Variants in HIVEP3 observed in about 807,000 individuals in gnomAD.
HIVEP3 encodes the protein HIVEP zinc finger 3, also known as transcription factor HIVEP3.
Under a neutral mutation model 152.8 loss-of-function variants are expected in HIVEP3, and 49 were observed. The ratio of observed to expected loss-of-function variants is 0.32; its 90% CI spans 0.26 to 0.41. HIVEP3 has a LOEUF of 0.41. Ranked by LOEUF, HIVEP3 falls within the 10% of genes least tolerant of loss-of-function variation. The pLI, the probability that HIVEP3 is intolerant of heterozygous loss-of-function variation, is 1.00. For missense variants in HIVEP3, 2,790 were observed against 3,103.3 expected (o/e 0.90, Z 2.40); for synonymous variants, 1,269 against 1,289.0 (o/e 0.98, Z 0.33).
At chr1:41,590,969 C>T (rs957919159) in intron 3 of HIVEP3, among the ~76,000 whole-genome samples, 2 of 152,188 alleles carry the variant, frequency 1.3e-5, no homozygotes, top group Non-Finnish European at 2.9e-5. Flanking sequence ...GTCTCCCCAT[C>T]TGTAAAAAGG....
chr1:41,983,367 C>T (rs186542075), intron 1 of HIVEP3, among the ~76,000 whole-genome samples: 21 of 152,218 alleles, frequency 1.4e-4, no homozygotes, highest in East Asian at 1.9e-4. Context: ...ATTTAACAAG[C>T]GCAAACATAA....
intron 1 of HIVEP3, among the ~76,000 whole-genome samples, chr1:41,787,535 C>T (rs111386703): frequency 3.9e-4 from 48 of 122,838 alleles, no homozygotes; most frequent in African/African-American, 1.3e-3. Context: ...TTCTTTCTTT[C>T]TTTTTTTTTT....
intron 1 of HIVEP3, among the ~76,000 whole-genome samples, chr1:41,717,457 A>C (rs1195961930): frequency 1.3e-5 from 2 of 152,230 alleles, no homozygotes; most frequent in Non-Finnish European, 2.9e-5. Flanking sequence ...GGAAAGAGAA[A>C]GTGACTAGAG....
intron 2 of HIVEP3, among the ~76,000 whole-genome samples, chr1:41,691,630 C>T (rs1004655588): frequency 5.3e-5 from 8 of 152,190 alleles, no homozygotes; most frequent in East Asian, 1.9e-4. Flanking sequence ...CATCAGATCA[C>T]GAATCTGCCT....
chr1:41,650,096 C>T (rs1269772590), intron 2 of HIVEP3, among the ~76,000 whole-genome samples: 1 of 151,988 alleles, frequency 6.6e-6, no homozygotes, highest in Non-Finnish European at 1.5e-5. Flanking sequence ...CAGAGGCAGC[C>T]CCACACTGCA....
intron 2 of HIVEP3, among the ~76,000 whole-genome samples, chr1:41,638,273 A>AGAAT: frequency 6.6e-6 from 1 of 151,458 alleles, no homozygotes; most frequent in South Asian, 2.1e-4. Flanking sequence ...AAAGAAAGAA[A>AGAAT]GAAAGAAAGA....
chr1:41,976,619 C>G (rs1299783568), intron 1 of HIVEP3, among the ~76,000 whole-genome samples: 5 of 152,166 alleles, frequency 3.3e-5, no homozygotes, highest in Admixed American at 3.3e-4. Flanking sequence ...TACTGCAATT[C>G]AGACTAAATC....
At chr1:41,652,727 C>A (rs1053289007) in intron 2 of HIVEP3, among the ~76,000 whole-genome samples, 1 of 152,296 alleles carries the variant, frequency 6.6e-6, no homozygotes, top group South Asian at 2.1e-4. Flanking sequence ...GCCTGCCCTG[C>A]GGGGTAACAA....
chr1:41,526,322 C>T (rs1337864408), intron 5 of HIVEP3, among the ~76,000 whole-genome samples: 1 of 147,332 alleles, frequency 6.8e-6, no homozygotes, highest in East Asian at 2.1e-4. Context: ...CACGCTCACC[C>T]TCATACTAAA....
At chr1:41,846,073 T>A (rs1038615066) in intron 1 of HIVEP3, among the ~76,000 whole-genome samples, 1 of 152,010 alleles carries the variant, frequency 6.6e-6, no homozygotes, top group Non-Finnish European at 1.5e-5. Context: ...CAAAAAGAAA[T>A]AATAAATAAA....
chr1:41,597,846 C>G (rs1644688768), intron 3 of HIVEP3, among the ~76,000 whole-genome samples: 1 of 152,212 alleles, frequency 6.6e-6, no homozygotes, highest in Non-Finnish European at 1.5e-5. Context: ...CAAAAATGAA[C>G]TGACATTAGC....
intron 1 of HIVEP3, among the ~76,000 whole-genome samples, chr1:41,814,044 G>C (rs1046204471): frequency 9.2e-5 from 14 of 152,304 alleles, no homozygotes; most frequent in Admixed American, 5.9e-4. Flanking sequence ...TCCAGTGGTG[G>C]GGGCTTCATC....
intron 1 of HIVEP3, among the ~76,000 whole-genome samples, chr1:41,754,057 G>A (rs1209128675): frequency 1.3e-5 from 2 of 152,218 alleles, no homozygotes; most frequent in Admixed American, 6.5e-5. Flanking sequence ...TGGGCAGAGA[G>A]AACTGTCTTC....
chr1:41,649,686 T>C (rs754798892), intron 2 of HIVEP3, among the ~76,000 whole-genome samples: 3 of 151,976 alleles, frequency 2.0e-5, no homozygotes, highest in Non-Finnish European at 4.4e-5. Flanking sequence ...GGCTGGAGGG[T>C]CATGCCCAGT....
At chr1:41,980,462 T>C (rs771875413) in intron 1 of HIVEP3, among the ~76,000 whole-genome samples, 1 of 152,300 alleles carries the variant, frequency 6.6e-6, no homozygotes, top group South Asian at 2.1e-4. Context: ...AAAGACTACC[T>C]ATTATATGAC....
intron 1 of HIVEP3, among the ~76,000 whole-genome samples, chr1:41,997,729 C>T (rs1004080180): frequency 6.6e-6 from 1 of 152,172 alleles, no homozygotes; most frequent in Non-Finnish European, 1.5e-5. Context: ...CAACTTTGAG[C>T]ATAAGGATTA....
intron 1 of HIVEP3, among the ~76,000 whole-genome samples, chr1:41,939,413 G>A (rs1645035191): frequency 1.3e-5 from 2 of 152,242 alleles, no homozygotes; most frequent in Admixed American, 6.5e-5. Context: ...GTGCTGACGA[G>A]TCTCCGGAAA....
intron 2 of HIVEP3, among the ~76,000 whole-genome samples, chr1:41,686,262 T>C (rs1410194203): frequency 3.3e-5 from 5 of 152,038 alleles, no homozygotes; most frequent in African/African-American, 9.6e-5. Context: ...TTAGTAGAGA[T>C]GGGGTTTCAC....
chr1:41,723,695 G>A lies in HIVEP3; in HGVS notation c.-800-22700C>T, dbSNP rs572977482. On this transcript the variant is annotated intron_variant, in intron 1 of 8. Coordinates refer to ENST00000372583, the MANE Select transcript of HIVEP3 (RefSeq NM_024503.5). ...CAGAGCTTATGAAAAGCCAATGGGA[G>A]AAAACTAGAAGAATGAGATAATGAT... 7.2e-5 allele frequency among the ~76,000 whole-genome samples: 11 copies of A among 152,328 alleles called. No individual in the cohort carries two copies. The East Asian group carries it at 1.2e-3, about 16-fold the overall frequency.
Sources: gnomAD v4.1 joint callset for allele counts (sites outside exome capture counted in the v4.1 genomes callset) on GRCh38, gnomAD v4.1.1 for gene constraint, MANE v1.5 for transcripts, NCBI Gene and HGNC (gene_info 2026-07-23, HGNC 2026-07-21) for gene names.